The following LIG1 variants were observed in gnomAD, a reference collection of about 807,000 sequenced individuals.
The protein encoded by LIG1 is ligase I, DNA, ATP-dependent.
A neutral mutation model predicts 115.7 loss-of-function variants in LIG1; 70 were observed. The observed-to-expected ratio is 0.60, with a 90% confidence interval of 0.50 to 0.74. LIG1 has a LOEUF of 0.74. LIG1 is among the 30% of genes least tolerant of loss of function. The pLI, the probability that LIG1 is intolerant of heterozygous loss-of-function variation, is 0.00. For missense variants in LIG1, 1,115 were observed against 1,225.6 expected (o/e 0.91, Z 1.35); for synonymous variants, 487 against 495.3 (o/e 0.98, Z 0.22).
intron 11 of LIG1, among the ~76,000 whole-genome samples, chr19:48,140,910 C>T (rs531302917): frequency 2.0e-5 from 3 of 152,290 alleles, no homozygotes; most frequent in Admixed American, 1.3e-4. Flanking sequence ...AATGAAACTC[C>T]GGTCTCCCGC....
intron 21 of LIG1, among the ~76,000 whole-genome samples, chr19:48,126,606 C>CA (rs1053509897): frequency 0.039 from 4,022 of 103,456 alleles, 165 homozygotes; most frequent in African/African-American, 0.12. Context: ...ACTCTTATCT[C>CA]AAAAAAAAAA....
At chr19:48,164,329 CA>C (rs947916719) in intron 2 of LIG1, among the ~76,000 whole-genome samples, 2 of 152,176 alleles carry the variant, frequency 1.3e-5, no homozygotes, top group African/African-American at 4.8e-5. Context: ...TTGTGTAAGC[CA>C]CTACCGCCCA....
chr19:48,137,782 T>G lies in LIG1; in HGVS notation c.1088-94A>C. 6.7e-7 allele frequency: 1 copy of G among 1,481,982 alleles called. No homozygotes were observed. Among genetic ancestry groups the G allele is most frequent in the Non-Finnish European group, 9.2e-7 (1 of 1,090,344 alleles). 91.8% of individuals were successfully genotyped at this position (1,481,982 alleles called of 1,614,324 possible). On this transcript the variant is annotated intron_variant, in intron 12 of 27. Transcript: ENST00000263274. This position sits in a 1 kb window ranked among gnomAD's most constrained non-coding sequence, Gnocchi z 4.3. ...GGCCTGGATGAATTTTCTCCAGCTG[T>G]GTGTGCTTGTGGCGAGTCCCTGCAC...
rs536713775 is a variant in LIG1 at position 48,157,946 on chromosome 19, G to A, written c.244-806C>T. Among the ~76,000 whole-genome samples, 13 of 152,286 alleles carry A rather than the reference G, an allele frequency of 8.5e-5. No homozygotes were observed. In the South Asian group the frequency reaches 1.5e-3, roughly 17 times the overall value. On this transcript the variant is annotated intron_variant, in intron 4 of 27. Transcript: ENST00000263274. ...ACCTGGCGGGAGGCATTCAGGTCACGTGGGCAGATCCCTCATGAATGGCTT... is the reference window on the plus strand; with the variant it reads ...ACCTGGCGGGAGGCATTCAGGTCACATGGGCAGATCCCTCATGAATGGCTT...
At chr19:48,144,941 TCTCA>T in intron 9 of LIG1, among the ~76,000 whole-genome samples, 1 of 151,946 alleles carries the variant, frequency 6.6e-6, no homozygotes, top group African/African-American at 2.4e-5. Context: ...TGAGACAGGG[TCTCA>T]CTGTCGCCCA....
At chr19:48,138,827 C>G (rs2034560799) in intron 12 of LIG1, among the ~76,000 whole-genome samples, 1 of 152,198 alleles carries the variant, frequency 6.6e-6, no homozygotes, top group African/African-American at 2.4e-5. Flanking sequence ...TCAGAGTATT[C>G]TTAACCGACC....
intron 2 of LIG1, 89 bp from the exon 3 acceptor site, chr19:48,162,440 T>TC (rs1433654927): frequency 2.0e-6 from 2 of 1,003,684 alleles, no homozygotes; most frequent in East Asian, 5.0e-5. Flanking sequence ...TTCCTTTTTT[T>TC]TTTTTTTTTT....
chr19:48,170,193 C>G (rs919373312), intron 1 of LIG1, 48 bp downstream of exon 1: 1 of 455,200 alleles, frequency 2.2e-6, no homozygotes. Flanking sequence ...GCATTCGGCG[C>G]ACCCGCCGCC....
intron 9 of LIG1, among the ~76,000 whole-genome samples, chr19:48,146,928 C>T (rs554356413): frequency 2.6e-5 from 4 of 152,286 alleles, no homozygotes; most frequent in African/African-American, 7.2e-5. Context: ...CCTCTCTGGG[C>T]TAATCATGTC....
intron 5 of LIG1, chr19:48,154,205 T>C (rs1433100519): frequency 9.5e-6 from 5 of 524,996 alleles, no homozygotes; most frequent in East Asian, 7.6e-5. Context: ...GACTGCAGAA[T>C]AGAAATAATC....
At chr19:48,134,144 C>T (rs2034228235) in intron 16 of LIG1, 78 bp from the exon 17 acceptor site, 1 of 1,346,472 alleles carries the variant, frequency 7.4e-7, no homozygotes, top group Non-Finnish European at 1.0e-6. Context: ...TCGGCCTGCT[C>T]CCAGAAGCCT....
intron 3 of LIG1, 109 bp from the exon 4 acceptor site, chr19:48,161,616 G>T: frequency 7.7e-7 from 1 of 1,304,426 alleles, no homozygotes; most frequent in Non-Finnish European, 1.1e-6. Flanking sequence ...TTCCTTTCAA[G>T]CATCCAATGA....
intron 2 of LIG1, among the ~76,000 whole-genome samples, chr19:48,163,767 C>T (rs1476194056): frequency 1.3e-5 from 2 of 151,772 alleles, no homozygotes; most frequent in Admixed American, 1.3e-4. Context: ...CACGGTGAAA[C>T]CCTGCTTCTA....
At chr19:48,146,699 C>T (rs1176488566) in intron 9 of LIG1, among the ~76,000 whole-genome samples, 3 of 152,190 alleles carry the variant, frequency 2.0e-5, no homozygotes, top group East Asian at 1.9e-4. Context: ...GAAAAGCAGT[C>T]GTAGTATCAC....
rs770901517 is a variant in LIG1, at chr19:48,123,294, G to A, written c.2029C>T (p.Arg677Trp). 3.8e-5 allele frequency: 61 copies of A among 1,613,820 alleles called. No homozygotes were observed. Among genetic ancestry groups the A allele is most frequent in the African/African-American group, 6.7e-5 (5 of 75,044 alleles). The stretch of plus-strand genomic sequence containing the variant: ...TTCTCCCGGAGCAGCTGCCGGCGCC[G>A]GGAAAGGGGCTCACGTACCAGGGAC... ...GESLVREPLSRRRQLLRENFV... is the reference protein window; with the variant it reads ...GESLVREPLSWRRQLLRENFV... Residue 677 changes from arginine to tryptophan, a missense_variant, in exon 22 of 28, where the codon CGG becomes TGG. Coordinates refer to ENST00000263274, the MANE Select transcript of LIG1 (RefSeq NM_000234.3).
Position 48,143,601 on chromosome 19 carries a change from T to TA in LIG1, c.858-3dup. 1 of 1,600,108 alleles carries TA rather than the reference T, an allele frequency of 6.2e-7. No homozygotes were observed. The highest frequency in any genetic ancestry group is 8.5e-7 in the Non-Finnish European group (1 of 1,172,648). On this transcript the variant is annotated splice_region_variant and splice_polypyrimidine_tract_variant and intron_variant, in intron 10 of 27. Transcript: ENST00000263274. ...CGGGCCACAGCCAGGTAAGGAACCCTAGGGAAGGAAAAGAGACGCAAGAGT... is the reference window on the plus strand; with the variant it reads ...CGGGCCACAGCCAGGTAAGGAACCCTAAGGGAAGGAAAAGAGACGCAAGAGT...
At chr19:48,147,014 C>T (rs1187402434) in intron 9 of LIG1, among the ~76,000 whole-genome samples, 1 of 152,208 alleles carries the variant, frequency 6.6e-6, no homozygotes, top group African/African-American at 2.4e-5. Context: ...TGCTATTTAA[C>T]CTCCTTGATA....
At chr19:48,135,883 C>A (rs986603953) in intron 15 of LIG1, 104 bp from the exon 16 acceptor site, 5 of 1,151,426 alleles carry the variant, frequency 4.3e-6, no homozygotes, top group Non-Finnish European at 6.4e-6. Context: ...GATGCCGCGG[C>A]CCAAGACGCC....
At chr19:48,164,879 T>C (rs34350172) in intron 2 of LIG1, among the ~76,000 whole-genome samples, 25,492 of 152,136 alleles carry the variant, frequency 0.17, 2,514 homozygotes, top group African/African-American at 0.28. Context: ...GTCCTATGAA[T>C]TGAAGGATGT....
Sources: allele counts gnomAD v4.1 joint callset (sites outside exome capture counted in the v4.1 genomes callset), GRCh38; gene constraint gnomAD v4.1.1; non-coding constraint Gnocchi (gnomAD v3.1); transcripts MANE v1.5; gene names NCBI Gene and HGNC (gene_info 2026-07-23, HGNC 2026-07-21).